Variants in PARP1 observed in about 807,000 individuals in gnomAD.
PARP1 encodes poly(ADP-ribose) polymerase 1.
In PARP1, 44 loss-of-function variants were observed where a neutral mutation model predicts 118.7. The ratio of observed to expected loss-of-function variants is 0.37; its 90% CI spans 0.29 to 0.48. The LOEUF is 0.48. PARP1 is among the 20% of genes least tolerant of loss of function. PARP1 has a pLI of 0.99. For synonymous variants in PARP1, 492 were observed against 483.2 expected (o/e 1.02, Z -0.24); for missense variants, 1,100 against 1,272.4 (o/e 0.86, Z 2.06).
rs770401679 is a variant in PARP1 at position 226,369,788 on chromosome 1, CT to C, written c.2154+645del. ...TGGCCAACATAGTGAAACCCCACCT[CT>C]ACTAAAAATACAAAAAAATTAGCCG... On this transcript the variant is annotated intron_variant, in intron 15 of 22. Transcript: ENST00000366794. 8.6e-5 allele frequency among the ~76,000 whole-genome samples: 13 copies of C among 152,038 alleles called. No individual in the cohort carries two copies. The East Asian group carries it at 2.3e-3, about 27-fold the overall frequency.
At chr1:226,406,174 GAA>G (rs74852913) in intron 1 of PARP1, among the ~76,000 whole-genome samples, 1 of 150,744 alleles carries the variant, frequency 6.6e-6, no homozygotes. Flanking sequence ...TATCACTGGT[GAA>G]AAAAAAATAG....
At chr1:226,369,711 T>C (rs1192415250) in intron 15 of PARP1, among the ~76,000 whole-genome samples, 2 of 152,070 alleles carry the variant, frequency 1.3e-5, no homozygotes, top group Non-Finnish European at 2.9e-5. Context: ...TCCCAGCACT[T>C]TGGGAGGCTG....
chr1:226,391,222 C>A (rs1203265752), intron 3 of PARP1, among the ~76,000 whole-genome samples: 2 of 151,972 alleles, frequency 1.3e-5, no homozygotes, highest in African/African-American at 2.4e-5. Flanking sequence ...CAGCCTACCA[C>A]CCCACCGTGC....
At chr1:226,385,146 G>GA (rs954386268) in intron 7 of PARP1, among the ~76,000 whole-genome samples, 1 of 152,132 alleles carries the variant, frequency 6.6e-6, no homozygotes, top group Non-Finnish European at 1.5e-5. Flanking sequence ...AAATGTCCTT[G>GA]AAAAAACCTT....
At chr1:226,362,113 A>T in intron 21 of PARP1, 30 bp from the exon 22 acceptor site, 1 of 1,228,930 alleles carries the variant, frequency 8.1e-7, no homozygotes, top group East Asian at 2.3e-5. Context: ...AGTGACATGA[A>T]CTGTGAGTAC....
Position 226,392,324 on chromosome 1 carries a change from C to A in PARP1, c.287-10G>T. 1 of 1,593,670 alleles carries A rather than the reference C, an allele frequency of 6.3e-7. No homozygotes were observed. Among genetic ancestry groups the A allele is most frequent in the Non-Finnish European group, 8.6e-7 (1 of 1,161,848 alleles). On this transcript the variant is annotated splice_polypyrimidine_tract_variant and intron_variant, in intron 2 of 22. Transcript: ENST00000366794. ...CCATCCTGGCCTTTGCCTGGAGAATCAAACAGACAGCAATGCTCATCTCAA... is the reference window on the plus strand; with the variant it reads ...CCATCCTGGCCTTTGCCTGGAGAATAAAACAGACAGCAATGCTCATCTCAA...
Position 226,400,015 on chromosome 1 carries a change from A to G in PARP1, c.286+2199T>C, listed in dbSNP as rs574078358. Among the ~76,000 whole-genome samples the G allele has an allele frequency of 2.6e-5, 4 of 152,306 alleles. No homozygotes were observed. The East Asian group carries it at 7.7e-4, about 29-fold the overall frequency. On this transcript the variant is annotated intron_variant, in intron 2 of 22. Transcript: ENST00000366794. ...GAGAATCCGTCTCCAACAACAACGA[A>G]AAAAGTTTACATATAAAAAAAGGTT...
chr1:226,362,254 C>T (rs1022369457), intron 21 of PARP1, 171 bp from the exon 22 acceptor site: 21 of 585,906 alleles, frequency 3.6e-5, no homozygotes, highest in Non-Finnish European at 5.2e-5. Context: ...GGTGTGACTT[C>T]AGCTCAGTGC....
chr1:226,372,443 A>T (rs2102731221), intron 14 of PARP1, among the ~76,000 whole-genome samples: 1 of 152,344 alleles, frequency 6.6e-6, no homozygotes, highest in Non-Finnish European at 1.5e-5. Context: ...AGGCTGAGGC[A>T]GGTGGATCAT....
chr1:226,402,638 C>T (rs1665060742), intron 1 of PARP1, among the ~76,000 whole-genome samples: 1 of 152,258 alleles, frequency 6.6e-6, no homozygotes, highest in Non-Finnish European at 1.5e-5. Flanking sequence ...ACACCAAACA[C>T]AGCCACGAGA....
intron 2 of PARP1, among the ~76,000 whole-genome samples, chr1:226,399,990 G>A (rs145666505): frequency 1.1e-4 from 16 of 152,270 alleles, no homozygotes; most frequent in African/African-American, 3.4e-4. Context: ...GTGACAGAGC[G>A]AGAATCCGTC....
chr1:226,373,572 C>T (rs1372079701), intron 14 of PARP1, among the ~76,000 whole-genome samples: 1 of 152,208 alleles, frequency 6.6e-6, no homozygotes, highest in Non-Finnish European at 1.5e-5. Context: ...AACACGGAGC[C>T]TCTGCCTGCA....
intron 4 of PARP1, 103 bp from the exon 5 acceptor site, chr1:226,388,858 T>C (rs1664770246): frequency 3.4e-6 from 3 of 885,994 alleles, no homozygotes; most frequent in South Asian, 2.6e-5. Flanking sequence ...ATCAACTCCC[T>C]GTAGGGCCTA....
chr1:226,379,841 A>G, intron 10 of PARP1, 81 bp downstream of exon 10: 2 of 1,601,832 alleles, frequency 1.2e-6, no homozygotes, highest in Non-Finnish European at 1.7e-6. Context: ...AGGGACACAA[A>G]GGGAGAGGTT....
At chr1:226,405,467 C>T (rs968433090) in intron 1 of PARP1, among the ~76,000 whole-genome samples, 11 of 152,048 alleles carry the variant, frequency 7.2e-5, no homozygotes, top group African/African-American at 2.2e-4. Flanking sequence ...CACCACGACC[C>T]GCTAATCATT....
At chr1:226,374,951 C>T (rs983802776) in intron 13 of PARP1, among the ~76,000 whole-genome samples, 1 of 152,326 alleles carries the variant, frequency 6.6e-6, no homozygotes, top group East Asian at 1.9e-4. Context: ...GACTCCACCC[C>T]CCACTGTCTG....
chr1:226,401,909 A>AG, intron 2 of PARP1: 1 of 1,256,052 alleles, frequency 8.0e-7, no homozygotes, highest in South Asian at 1.7e-5. Context: ...TGGGAGGGGG[A>AG]GGGGGTACTG....
chr1:226,374,453 G>A, intron 13 of PARP1, 99 bp from the exon 14 acceptor site: 1 of 1,423,358 alleles, frequency 7.0e-7, no homozygotes, highest in Non-Finnish European at 9.9e-7. Flanking sequence ...ACACAGGCTA[G>A]AGTGCCACCA....
intron 2 of PARP1, chr1:226,392,966 A>G (rs1396103487): frequency 1.3e-6 from 2 of 1,571,478 alleles, no homozygotes; most frequent in Non-Finnish European, 8.6e-7. Context: ...TCTATTCCAC[A>G]TGGTATTGGA....
Sources: allele counts gnomAD v4.1 joint callset (sites outside exome capture counted in the v4.1 genomes callset), GRCh38; gene constraint gnomAD v4.1.1; transcripts MANE v1.5; gene names NCBI Gene and HGNC (gene_info 2026-07-23, HGNC 2026-07-21).